Variants in DCAF8 observed in about 807,000 individuals in gnomAD.
DCAF8 encodes the protein DDB1- and CUL4-associated factor 8.
Under a neutral mutation model 68.0 loss-of-function variants are expected in DCAF8, and 20 were observed. The observed-to-expected ratio is 0.29, with a 90% CI of 0.21 to 0.43. DCAF8 has a LOEUF of 0.43. DCAF8 is among the 20% of genes least tolerant of loss of function. The probability of loss-of-function intolerance (pLI) is 1.00; values close to 1 mark genes in which losing one functional copy is unlikely to be tolerated. For synonymous variants in DCAF8, 230 were observed against 276.9 expected (o/e 0.83, Z 1.68); for missense variants, 460 against 771.0 (o/e 0.60, Z 4.78).
chr1:160,253,607 C>T (rs1311692637), intron 2 of DCAF8, among the ~76,000 whole-genome samples: 1 of 129,656 alleles, frequency 7.7e-6, no homozygotes, highest in Non-Finnish European at 1.6e-5. Flanking sequence ...GAGATCGCAC[C>T]ATTGCACTCC....
intron 7 of DCAF8, among the ~76,000 whole-genome samples, chr1:160,227,041 A>G (rs1655500860): frequency 6.6e-6 from 1 of 152,200 alleles, no homozygotes; most frequent in Non-Finnish European, 1.5e-5. Context: ...AATATAATGA[A>G]AACTCTAGTC....
At chr1:160,252,639 G>A (rs375804297) in intron 2 of DCAF8, among the ~76,000 whole-genome samples, 4 of 152,282 alleles carry the variant, frequency 2.6e-5, no homozygotes, top group East Asian at 1.9e-4. Flanking sequence ...TGAAATGAAG[G>A]AAAAGGAAAG....
chr1:160,227,358 C>T (rs1343745474), intron 7 of DCAF8, among the ~76,000 whole-genome samples: 2 of 152,160 alleles, frequency 1.3e-5, no homozygotes, highest in African/African-American at 4.8e-5. Flanking sequence ...TTGACATCCC[C>T]AGCTCACACG....
chr1:160,224,610 T>G, intron 9 of DCAF8, 61 bp from the exon 10 acceptor site: 7 of 1,298,442 alleles, frequency 5.4e-6, no homozygotes, highest in Non-Finnish European at 7.8e-6. Context: ...GACCAGGAGG[T>G]GGGGGTTGGG....
intron 2 of DCAF8, among the ~76,000 whole-genome samples, chr1:160,251,582 C>T (rs955159027): frequency 3.3e-5 from 5 of 152,042 alleles, no homozygotes; most frequent in African/African-American, 1.2e-4. Context: ...AAGTGATGCT[C>T]CCACCTCAGC....
At chr1:160,225,273 A>G (rs550975367) in intron 8 of DCAF8, among the ~76,000 whole-genome samples, 154 bp from the exon 9 acceptor site, 4 of 152,168 alleles carry the variant, frequency 2.6e-5, no homozygotes, top group Non-Finnish European at 1.5e-5. Context: ...AAACATGACC[A>G]CCTCAGGGGG....
chr1:160,236,834 G>A (rs1655914904), intron 6 of DCAF8, among the ~76,000 whole-genome samples: 2 of 152,134 alleles, frequency 1.3e-5, no homozygotes, highest in South Asian at 2.1e-4. Context: ...TGAGTCTGTG[G>A]AAGAATGTGC....
chr1:160,237,123 T>G lies in DCAF8; in HGVS notation c.959+12A>C, dbSNP rs998569996. The G allele has an allele frequency of 6.5e-7, 1 of 1,538,876 alleles. No individual in the cohort carries two copies. Among genetic ancestry groups the G allele is most frequent in the African/African-American group, 1.4e-5 (1 of 73,288 alleles). Reference sequence around the variant, plus strand: ...AGATACAGTTCTGTAATGATATTACTGCTACACTTACGACGCTGGGCGGTC... The same window carrying G: ...AGATACAGTTCTGTAATGATATTACGGCTACACTTACGACGCTGGGCGGTC... On this transcript the variant is annotated intron_variant, in intron 6 of 13. Transcript: ENST00000368074.
intron 11 of DCAF8, chr1:160,221,032 G>A (rs544064274): frequency 3.3e-5 from 5 of 152,252 alleles, no homozygotes; most frequent in South Asian, 2.1e-4. Flanking sequence ...TTACTCTTAG[G>A]ACCACTAAAA....
intron 2 of DCAF8, 78 bp from the exon 3 acceptor site, chr1:160,244,112 A>G: frequency 9.6e-7 from 1 of 1,038,590 alleles, no homozygotes. Flanking sequence ...AGGAGATTTA[A>G]CAATGTACAG....
At chr1:160,256,767 C>T (rs1448104727) in intron 2 of DCAF8, among the ~76,000 whole-genome samples, 1 of 152,170 alleles carries the variant, frequency 6.6e-6, no homozygotes, top group Non-Finnish European at 1.5e-5. Flanking sequence ...ATTAATTACT[C>T]CCCAATGCCC....
At position 160,256,012 on chromosome 1, in the gene DCAF8, C is replaced by CTT. The variant is rs11284812; in HGVS notation, c.-27+5271_-27+5272dup. The stretch of plus-strand genomic sequence containing the variant: ...ATTTCCAGCAGCAGAACTAAGCAAA[C>CTT]TTTTTTTTTTTTTTTTTTTTTTTTT... On this transcript the variant is annotated intron_variant, in intron 2 of 13. Transcript: ENST00000368074. 3.8e-4 allele frequency among the ~76,000 whole-genome samples: 29 copies of CTT among 75,526 alleles called. 1 individual carries two copies. The highest frequency in any genetic ancestry group is 7.7e-4 in the East Asian group (2 of 2,612). 49.5% of individuals were successfully genotyped at this position (75,526 alleles called of 152,430 possible). A position where few individuals can be genotyped will look rare whatever the true frequency, so the allele number is the denominator to read the frequency against.
intron 2 of DCAF8, among the ~76,000 whole-genome samples, chr1:160,255,909 C>T (rs748466926): frequency 2.0e-5 from 3 of 151,838 alleles, no homozygotes; most frequent in African/African-American, 4.8e-5. Context: ...TGTAAGCCAC[C>T]GTGCATGGCC....
At chr1:160,247,042 T>C (rs753996951) in intron 2 of DCAF8, among the ~76,000 whole-genome samples, 5 of 152,250 alleles carry the variant, frequency 3.3e-5, no homozygotes, top group East Asian at 1.9e-4. Flanking sequence ...AGAGAACATA[T>C]TTGATTCAAA....
chr1:160,243,824 T>C, intron 3 of DCAF8, 136 bp downstream of exon 3: 1 of 778,380 alleles, frequency 1.3e-6, no homozygotes, highest in Non-Finnish European at 2.2e-6. Flanking sequence ...GTTTCCTGTG[T>C]AGTTTCCTAA....
chr1:160,218,714 T>C, intron 12 of DCAF8, 135 bp downstream of exon 12: 1 of 1,345,674 alleles, frequency 7.4e-7, no homozygotes, highest in East Asian at 2.3e-5. Flanking sequence ...CAGAGGAAAT[T>C]ACAGGAATGT....
intron 4 of DCAF8, 200 bp downstream of exon 4, chr1:160,239,497 A>G: frequency 8.1e-6 from 12 of 1,479,786 alleles, no homozygotes; most frequent in Non-Finnish European, 1.1e-5. Context: ...TGAGGCTTCC[A>G]ACAGTCCACA....
intron 2 of DCAF8, among the ~76,000 whole-genome samples, chr1:160,256,960 T>C (rs1193484463): frequency 6.6e-6 from 1 of 152,186 alleles, no homozygotes; most frequent in Non-Finnish European, 1.5e-5. Flanking sequence ...TCGCTAATTT[T>C]TGAAAAGCTT....
chr1:160,256,536 C>T (rs996294594), intron 2 of DCAF8, among the ~76,000 whole-genome samples: 30 of 151,824 alleles, frequency 2.0e-4, no homozygotes, highest in African/African-American at 6.8e-4. Flanking sequence ...TAGAGGTAAA[C>T]CCTATAGTAG....
Sources: allele counts gnomAD v4.1 joint callset (sites outside exome capture counted in the v4.1 genomes callset), GRCh38; gene constraint gnomAD v4.1.1; transcripts MANE v1.5; gene names NCBI Gene and HGNC (gene_info 2026-07-23, HGNC 2026-07-21).